The following TTC28 variants were observed in gnomAD, a reference collection of about 807,000 sequenced individuals.
TTC28 encodes the protein tetratricopeptide repeat domain 28, also known as tetratricopeptide repeat protein 28.
TTC28 carries 61 observed loss-of-function variants against 198.0 expected under a neutral mutation model. The ratio of observed to expected loss-of-function variants is 0.31; its 90% CI spans 0.25 to 0.38. TTC28 has a LOEUF of 0.38. Among genes scored for constraint, TTC28 ranks in the 10% least tolerant of loss-of-function variants. The pLI, the probability that TTC28 is intolerant of heterozygous loss-of-function variation, is 1.00. For synonymous variants in TTC28, 1,171 were observed against 1,297.8 expected, an observed-to-expected ratio of 0.90 and a Z score of 2.10; for missense variants, 2,678 against 3,164.0, an observed-to-expected ratio of 0.85 and a Z score of 3.69.
chr22:28,036,940 G>A (rs573958165), intron 12 of TTC28, among the ~76,000 whole-genome samples: 5 of 152,198 alleles, frequency 3.3e-5, no homozygotes, highest in African/African-American at 1.2e-4. Context: ...TAAATTCCTC[G>A]ACACATACAC....
At chr22:28,276,894 A>G (rs2044483449) in intron 5 of TTC28, among the ~76,000 whole-genome samples, 1 of 152,174 alleles carries the variant, frequency 6.6e-6, no homozygotes, top group African/African-American at 2.4e-5. Context: ...TACTTATTAA[A>G]ATACTTAATA....
intron 2 of TTC28, among the ~76,000 whole-genome samples, chr22:28,410,879 A>G (rs1011971292): frequency 4.6e-5 from 7 of 152,224 alleles, no homozygotes; most frequent in Non-Finnish European, 1.0e-4. Context: ...TTTCTAAAGA[A>G]AAGAATTCCA....
intron 2 of TTC28, among the ~76,000 whole-genome samples, chr22:28,568,942 T>A (rs552214059): frequency 6.6e-6 from 1 of 152,052 alleles, no homozygotes; most frequent in African/African-American, 2.4e-5. Flanking sequence ...AGGTCAGGAG[T>A]TCGACACCAG....
intron 1 of TTC28, among the ~76,000 whole-genome samples, chr22:28,669,641 G>C (rs1170226857): frequency 6.6e-6 from 1 of 152,060 alleles, no homozygotes; most frequent in Middle Eastern, 3.2e-3. Context: ...GCACAAGAAG[G>C]TTAATATGCT....
At chr22:28,115,885 A>G (rs1023523257) in intron 6 of TTC28, among the ~76,000 whole-genome samples, 1 of 152,182 alleles carries the variant, frequency 6.6e-6, no homozygotes, top group Non-Finnish European at 1.5e-5. Flanking sequence ...GGAGCCTGCT[A>G]TAATAAGGTT....
chr22:28,288,020 C>T (rs1431190183), intron 5 of TTC28, among the ~76,000 whole-genome samples: 1 of 152,106 alleles, frequency 6.6e-6, no homozygotes, highest in East Asian at 1.9e-4. Context: ...AAAACAAACA[C>T]TGATATAATG....
At position 28,019,482 on chromosome 22, in the gene TTC28, C is replaced by T. The variant is rs144006787; in HGVS notation, c.4074-5090G>A. On this transcript the variant is annotated intron_variant, in intron 13 of 22. Transcript: ENST00000397906. ...CTACTGATACATGTCCTTGTGGTGG[C>T]GTGGTTTTGGGCCTCTGAGTCACAG... is the stretch of plus-strand genomic sequence containing the variant. Among the ~76,000 whole-genome samples the T allele has an allele frequency of 3.9e-5, 6 of 152,250 alleles. No homozygotes were observed. In the East Asian group the frequency reaches 5.8e-4, roughly 15 times the overall value.
At chr22:28,318,217 T>C (rs6005757) in intron 2 of TTC28, among the ~76,000 whole-genome samples, 32,465 of 151,722 alleles carry the variant, frequency 0.21, 6,089 homozygotes, top group African/African-American at 0.51. Flanking sequence ...CCGCCTCCAC[T>C]GCTTTCATCA....
At chr22:28,486,258 GGT>G (rs980673801) in intron 2 of TTC28, among the ~76,000 whole-genome samples, 3 of 151,990 alleles carry the variant, frequency 2.0e-5, no homozygotes, top group Non-Finnish European at 4.4e-5. Context: ...TTGAAAAACA[GGT>G]ATTTCCAGGG....
intron 2 of TTC28, among the ~76,000 whole-genome samples, chr22:28,463,059 C>T (rs961407865): frequency 2.0e-5 from 3 of 152,218 alleles, no homozygotes; most frequent in Non-Finnish European, 4.4e-5. Context: ...TGGCTTGGGA[C>T]ATCTTCCTGG....
rs182193832 is a variant in TTC28, at chr22:28,544,495, T to C, written c.381+85057A>G. 4.6e-5 allele frequency among the ~76,000 whole-genome samples: 7 copies of C among 152,274 alleles called. No individual in the cohort carries two copies. The East Asian group carries it at 1.2e-3, about 25-fold the overall frequency. On this transcript the variant is annotated intron_variant, in intron 2 of 22. Coordinates refer to ENST00000397906, the MANE Select transcript of TTC28 (RefSeq NM_001145418.2). The stretch of plus-strand genomic sequence containing the variant: ...CTATAAGAAAACTTAACAGCTAACA[T>C]TGTCAGAGGCATTTGACCCAGAGCA...
intron 2 of TTC28, among the ~76,000 whole-genome samples, chr22:28,583,021 G>A (rs1420775428): frequency 1.3e-5 from 2 of 152,088 alleles, no homozygotes; most frequent in Non-Finnish European, 2.9e-5. Context: ...TACCAGGTTA[G>A]GCTAGATGGT....
intron 2 of TTC28, among the ~76,000 whole-genome samples, chr22:28,625,944 T>TA (rs1464955546): frequency 6.6e-6 from 1 of 152,156 alleles, no homozygotes; most frequent in Non-Finnish European, 1.5e-5. Context: ...GTGGAAAGGA[T>TA]AATCTTTAAA....
At position 27,981,967 on chromosome 22, in the gene TTC28, T is replaced by G; in HGVS notation, c.*254A>C. 1 of 397,976 alleles carries G rather than the reference T, an allele frequency of 2.5e-6. No homozygotes were observed. Among genetic ancestry groups the G allele is most frequent in the Non-Finnish European group, 4.4e-6 (1 of 225,878 alleles). The allele number at this position is 397,976 out of a possible 1,614,324, so 24.7% of individuals were successfully genotyped here. ...CAGGGAGTTCAAAGGTAAACAAACA[T>G]TTGGTGAAGTGTGTAGGAAATTCCA... is the stretch of plus-strand genomic sequence containing the variant. On this transcript the variant is annotated 3_prime_UTR_variant, in exon 23 of 23. Transcript: ENST00000397906.
chr22:28,087,606 C>T (rs1438694996), intron 12 of TTC28, among the ~76,000 whole-genome samples: 2 of 152,146 alleles, frequency 1.3e-5, no homozygotes, highest in Non-Finnish European at 2.9e-5. Context: ...TGGCACAAGA[C>T]AGGGATGCCC....
chr22:28,133,781 G>C (rs774680087), intron 6 of TTC28, among the ~76,000 whole-genome samples: 2 of 152,210 alleles, frequency 1.3e-5, no homozygotes, highest in Non-Finnish European at 2.9e-5. Flanking sequence ...TCCACCTCTG[G>C]GGGCAGGGCA....
At chr22:28,446,187 G>A (rs1212129039) in intron 2 of TTC28, among the ~76,000 whole-genome samples, 1 of 149,136 alleles carries the variant, frequency 6.7e-6, no homozygotes, top group Non-Finnish European at 1.5e-5. Flanking sequence ...GTTCAACTTT[G>A]TAATCCCTAC....
intron 5 of TTC28, among the ~76,000 whole-genome samples, chr22:28,293,264 C>T (rs1388831721): frequency 6.6e-6 from 1 of 152,138 alleles, no homozygotes; most frequent in Non-Finnish European, 1.5e-5. Context: ...CAGACACATA[C>T]ATATATTGGA....
intron 2 of TTC28, among the ~76,000 whole-genome samples, chr22:28,569,933 C>A (rs2050035660): frequency 6.6e-6 from 1 of 152,098 alleles, no homozygotes; most frequent in Admixed American, 6.6e-5. Context: ...ATATACGTGA[C>A]CAACAAGCAT....
Sources: gnomAD v4.1 joint callset for allele counts (sites outside exome capture counted in the v4.1 genomes callset) on GRCh38, gnomAD v4.1.1 for gene constraint, MANE v1.5 for transcripts, NCBI Gene and HGNC (gene_info 2026-07-23, HGNC 2026-07-21) for gene names.